SH2B1: variants seen among roughly 807,000 people sequenced by gnomAD.
SH2B1 encodes the protein SH2B adaptor protein 1, also known as SH2B adapter protein 1.
Under a neutral mutation model 62.6 loss-of-function variants are expected in SH2B1, and 15 were observed. The observed-to-expected ratio is 0.24, with a 90% CI of 0.16 to 0.37. The LOEUF (loss-of-function observed/expected upper bound fraction) is 0.37, where lower values mean the gene tolerates loss of function less well. Ranked by LOEUF, SH2B1 falls within the 10% of genes least tolerant of loss-of-function variation. SH2B1 has a pLI of 1.00. For missense variants in SH2B1, 925 were observed against 1,015.6 expected, an observed-to-expected ratio of 0.91 and a Z score of 1.21; for synonymous variants, 443 against 438.0, an observed-to-expected ratio of 1.01 and a Z score of -0.14.
intron 1 of SH2B1, among the ~76,000 whole-genome samples, chr16:28,853,726 G>T (rs951074045): frequency 1.3e-5 from 2 of 151,412 alleles, no homozygotes; most frequent in African/African-American, 4.8e-5. Context: ...GAAGCTGGGT[G>T]CGGTGGCTCA....
intron 1 of SH2B1, among the ~76,000 whole-genome samples, chr16:28,854,201 G>A (rs913239257): frequency 1.3e-5 from 2 of 151,698 alleles, no homozygotes; most frequent in Non-Finnish European, 2.9e-5. Context: ...GCTGGGGTGG[G>A]AGGATCACTT....
In SH2B1 at chr16:28,852,757, T is replaced by TTTAC. The variant is rs1567459131; in HGVS notation, c.-301+5930_-301+5931insTTAC. ...ATACATATATATATTTACATATATA[T>TTTAC]GTATATATATATTTATATATATATT... On this transcript the variant is annotated intron_variant, in intron 1 of 10. Coordinates refer to the SH2B1 transcript ENST00000322610. 8.4e-4 allele frequency among the ~76,000 whole-genome samples: 28 copies of TTTAC among 33,188 alleles called. 7 individuals are homozygous for TTTAC. Among genetic ancestry groups the TTTAC allele is most frequent in the African/African-American group, 2.8e-3 (28 of 9,858 alleles). The allele number at this position is 33,188 out of a possible 152,430, so 21.8% of individuals were successfully genotyped here.
intron 1 of SH2B1, among the ~76,000 whole-genome samples, chr16:28,852,775 T>G (rs1415548299): frequency 1.4e-5 from 1 of 73,690 alleles, no homozygotes; most frequent in East Asian, 3.7e-4. Context: ...TATATTTATA[T>G]ATATATTTAC....
rs1486445444 is a variant in SH2B1 at position 28,863,904 on chromosome 16, C to T, written c.-2191C>T. 2.4e-6 allele frequency: 3 copies of T among 1,275,460 alleles called. No homozygotes were observed. The highest frequency in any genetic ancestry group is 3.2e-6 in the Non-Finnish European group (3 of 938,980). 79.0% of individuals were successfully genotyped at this position (1,275,460 alleles called of 1,614,324 possible). On this transcript the variant is annotated 5_prime_UTR_variant, in exon 1 of 8. Transcript: ENST00000684370. ...GCGCAGGGAGCGGGAGCCGCCGCCG[C>T]CGCCGCCGCCGCCGGAGCTAACCTC...
At chr16:28,860,653 A>G (rs1283590996), upstream of SH2B1, among the ~76,000 whole-genome samples, 1 of 152,102 alleles carries the variant, frequency 6.6e-6, no homozygotes, top group Non-Finnish European at 1.5e-5. Context: ...AATGCCTTCT[A>G]GAGACCATGG....
At chr16:28,858,503 G>A (rs1332567321) in intron 1 of SH2B1, among the ~76,000 whole-genome samples, 1 of 150,692 alleles carries the variant, frequency 6.6e-6, no homozygotes, top group Non-Finnish European at 1.5e-5. Context: ...GAGACAGTGA[G>A]ACTCTGTCTC....
At chr16:28,853,106 A>G (rs865912681) in intron 1 of SH2B1, among the ~76,000 whole-genome samples, 15 of 124,098 alleles carry the variant, frequency 1.2e-4, no homozygotes, top group South Asian at 2.2e-4. Flanking sequence ...ATATATTTAT[A>G]TATACATTTA....
Position 28,873,323 on chromosome 16 carries a change from G to A in SH2B1, c.1898-124G>A. ...CCATGATCCATCTTCCATGGATGGGGGGTTGCTCAGGAGATGGGATGTGGG... is the reference window on the plus strand; with the variant it reads ...CCATGATCCATCTTCCATGGATGGGAGGTTGCTCAGGAGATGGGATGTGGG... On this transcript the variant is annotated intron_variant, in intron 7 of 7. Coordinates refer to ENST00000684370, the MANE Select transcript of SH2B1 (RefSeq NM_001387430.1). The surrounding 1 kb of genome is among the most constrained non-coding windows in gnomAD (Gnocchi z 4.2). The A allele has an allele frequency of 6.3e-7, 1 of 1,591,840 alleles. No homozygotes were observed. The highest frequency in any genetic ancestry group is 8.6e-7 in the Non-Finnish European group (1 of 1,168,434).
intron 4 of SH2B1, among the ~76,000 whole-genome samples, chr16:28,871,147 A>C (rs893970924): frequency 6.6e-5 from 10 of 152,180 alleles, no homozygotes; most frequent in Admixed American, 2.6e-4. Flanking sequence ...CCTCCCAGGT[A>C]GCTAGGATTA....
At chr16:28,867,716 A>G (rs1285328968) in intron 2 of SH2B1, among the ~76,000 whole-genome samples, 1 of 152,196 alleles carries the variant, frequency 6.6e-6, no homozygotes, top group Non-Finnish European at 1.5e-5. Context: ...CAACCTGATC[A>G]TAGCTCACTG....
intron 2 of SH2B1, among the ~76,000 whole-genome samples, chr16:28,867,734 G>T (rs1048818065): frequency 2.6e-5 from 4 of 152,156 alleles, no homozygotes; most frequent in Non-Finnish European, 5.9e-5. Flanking sequence ...CTGTAGCCTC[G>T]TGTAGCCTCG....
At chr16:28,870,994 CGTGTGTGTGTGTGTGTGT>C (rs35079060) in intron 4 of SH2B1, among the ~76,000 whole-genome samples, 69 of 141,424 alleles carry the variant, frequency 4.9e-4, no homozygotes, top group Non-Finnish European at 7.4e-4. Context: ...GCCAGAATTC[CGTGTGTGTGTGTGTGTGT>C]GTGTGTGTGT....
intron 1 of SH2B1, among the ~76,000 whole-genome samples, chr16:28,852,785 C>CATATATATGTATATATATATTT (rs1211653870): frequency 2.4e-5 from 1 of 41,666 alleles, no homozygotes; most frequent in Non-Finnish European, 4.7e-5. Flanking sequence ...TATATATTTA[C>CATATATATGTATATATATATTT]ATATATATTT....
Position 28,865,824 on chromosome 16 carries a change from G to C in SH2B1, c.-271G>C. On this transcript the variant is annotated 5_prime_UTR_variant, in exon 1 of 8. Coordinates refer to ENST00000684370, the MANE Select transcript of SH2B1 (RefSeq NM_001387430.1). ...AGGCTCGGGGCAGGTTAGACGCTGG[G>C]GAGCCAGTTGGCTGGGGCCTGCAGG... 8.0e-7 allele frequency: 1 copy of C among 1,251,974 alleles called. No individual in the cohort carries two copies. The highest frequency in any genetic ancestry group is 1.0e-6 in the Non-Finnish European group (1 of 997,692). The allele number at this position is 1,251,974 out of a possible 1,614,324, so 77.6% of individuals were successfully genotyped here. A position where few individuals can be genotyped will look rare whatever the true frequency, so the allele number is the denominator to read the frequency against.
At position 28,869,240 on chromosome 16, in the gene SH2B1, C is replaced by T; in HGVS notation, c.1166C>T (p.Thr389Ile). The T allele has an allele frequency of 6.2e-7, 1 of 1,614,194 alleles. No homozygotes were observed. The highest frequency in any genetic ancestry group is 8.5e-7 in the Non-Finnish European group (1 of 1,180,022). ...CCTGCTACCAGTCCCCGCCCCATGA[C>T]CCTCCCTCTGGCCCCTGGGACCTCA... ...PCPATSPRPM[T>I]LPLAPGTSFL... Residue 389 changes from threonine (T) to isoleucine (I), a missense_variant, in exon 4 of 8, where the codon ACC (threonine) becomes ATC (isoleucine). Around this residue, in one of 3 missense-constraint regions of SH2B1, gnomAD observed 683 missense variants for 704.0 expected, o/e 0.97. Transcript: ENST00000684370.
At chr16:28,869,986 C>T (rs912799679) in intron 4 of SH2B1, among the ~76,000 whole-genome samples, 9 of 152,218 alleles carry the variant, frequency 5.9e-5, no homozygotes, top group African/African-American at 1.9e-4. Flanking sequence ...AATCTTAGAT[C>T]TAGAGTGGAC....
In SH2B1 at chr16:28,863,949, G is replaced by T; in HGVS notation, c.-2146G>T. The T allele has an allele frequency of 6.8e-7, 1 of 1,460,788 alleles. No individual in the cohort carries two copies. Among genetic ancestry groups the T allele is most frequent in the Non-Finnish European group, 9.0e-7 (1 of 1,114,124 alleles). The allele number at this position is 1,460,788 out of a possible 1,614,324, so 90.5% of individuals were successfully genotyped here. On this transcript the variant is annotated 5_prime_UTR_variant, in exon 1 of 8. It introduces an in-frame stop codon into an upstream open reading frame of the 5' UTR. Transcript: ENST00000684370. Reference sequence around the variant, plus strand: ...AACCTCGGGGACCGAGATGCAGGTGGGACCGGAACCGGAACCCCCCTCTTC... The same window carrying T: ...AACCTCGGGGACCGAGATGCAGGTGTGACCGGAACCGGAACCCCCCTCTTC...
At chr16:28,871,692 G>C in intron 4 of SH2B1, 88 bp from the exon 5 acceptor site, 1 of 1,072,118 alleles carries the variant, frequency 9.3e-7, no homozygotes, top group Non-Finnish European at 1.4e-6. Flanking sequence ...CTGCACACAG[G>C]GTAGACTGCT....
Position 28,873,553 on chromosome 16 carries a change from A to AGCAGCAGCC in SH2B1, c.2014_2022dup (p.Ala672_Ala674dup). Reference sequence around the variant, plus strand: ...CGTCGAGGGCGCCAGAAGTGGCGGCAGCAGCAGCCGCAGCAGCCAAAGAGA... The same window carrying AGCAGCAGCC: ...CGTCGAGGGCGCCAGAAGTGGCGGCAGCAGCAGCCGCAGCAGCCGCAGCAGCCAAAGAGA... On this transcript the variant is annotated inframe_insertion, in exon 8 of 8. Coordinates refer to ENST00000684370, the MANE Select transcript of SH2B1 (RefSeq NM_001387430.1). This position sits in a 1 kb window ranked among gnomAD's most constrained non-coding sequence, Gnocchi z 4.2. 6.2e-7 allele frequency: 1 copy of AGCAGCAGCC among 1,601,068 alleles called. No homozygotes were observed. Among genetic ancestry groups the AGCAGCAGCC allele is most frequent in the Non-Finnish European group, 8.5e-7 (1 of 1,174,602 alleles).
Sources: allele counts gnomAD v4.1 joint callset (sites outside exome capture counted in the v4.1 genomes callset), GRCh38; gene constraint gnomAD v4.1.1; regional missense constraint gnomAD v4.1.1; non-coding constraint Gnocchi (gnomAD v3.1); transcripts MANE v1.5; gene names NCBI Gene and HGNC (gene_info 2026-07-23, HGNC 2026-07-21).